The following GPC6 variants were observed in gnomAD, a reference collection of about 807,000 sequenced individuals.
The protein encoded by GPC6 is glypican 6.
In GPC6, 14 loss-of-function variants were observed where a neutral mutation model predicts 55.2. The observed-to-expected ratio is 0.25, with a 90% CI of 0.17 to 0.40. The LOEUF is 0.40. Among genes scored for constraint, GPC6 ranks in the 10% least tolerant of loss-of-function variants. The pLI is 1.00. For missense variants in GPC6, 641 were observed against 708.5 expected, an observed-to-expected ratio of 0.90 and a Z score of 1.08; for synonymous variants, 278 against 259.6, an observed-to-expected ratio of 1.07 and a Z score of -0.68.
Position 93,429,275 on chromosome 13 carries a change from G to GA in GPC6, c.161-115979dup, listed in dbSNP as rs5805804. On this transcript the variant is annotated intron_variant, in intron 1 of 8. Transcript: ENST00000377047. Reference sequence around the variant, plus strand: ...TCTGTTTCTTAGAGCCTCCTCAAAAGAAAAAAAAATCCCTCCTTAATGAGA... The same window carrying GA: ...TCTGTTTCTTAGAGCCTCCTCAAAAGAAAAAAAAAATCCCTCCTTAATGAGA... Among the ~76,000 whole-genome samples the GA allele has an allele frequency of 2.6e-4, 40 of 151,024 alleles. No individual in the cohort carries two copies. The East Asian group carries it at 4.5e-3, about 17-fold the overall frequency.
chr13:93,816,725 A>G (rs565802540), intron 2 of GPC6, among the ~76,000 whole-genome samples: 2 of 152,014 alleles, frequency 1.3e-5, no homozygotes, highest in African/African-American at 2.4e-5. Flanking sequence ...CAATGTACAG[A>G]GGAAAAAAAA....
chr13:93,555,228 T>C (rs1361506104), intron 2 of GPC6, among the ~76,000 whole-genome samples: 1 of 152,200 alleles, frequency 6.6e-6, no homozygotes, highest in Non-Finnish European at 1.5e-5. Flanking sequence ...GAGTTGACAT[T>C]TTATCATTTT....
At chr13:93,928,428 T>G (rs1445283779) in intron 3 of GPC6, among the ~76,000 whole-genome samples, 1 of 152,158 alleles carries the variant, frequency 6.6e-6, no homozygotes, top group African/African-American at 2.4e-5. Flanking sequence ...AGCTATCCTT[T>G]TCAGTTAATG....
intron 1 of GPC6, among the ~76,000 whole-genome samples, chr13:93,301,746 C>A (rs933969863): frequency 6.6e-6 from 1 of 152,132 alleles, no homozygotes; most frequent in African/African-American, 2.4e-5. Context: ...ACTTCTCCAG[C>A]CTACAAATGG....
chr13:94,066,520 A>T (rs936441601), intron 4 of GPC6, among the ~76,000 whole-genome samples: 1 of 152,320 alleles, frequency 6.6e-6, no homozygotes, highest in South Asian at 2.1e-4. Context: ...TTTGTACATC[A>T]ATGTACTTAC....
chr13:93,854,644 G>T (rs780931514), intron 3 of GPC6, among the ~76,000 whole-genome samples: 54 of 151,702 alleles, frequency 3.6e-4, no homozygotes, highest in Middle Eastern at 6.8e-3. Context: ...CTACATACAT[G>T]GAATAACGTT....
At chr13:93,304,680 C>T (rs1878797527) in intron 1 of GPC6, among the ~76,000 whole-genome samples, 1 of 152,186 alleles carries the variant, frequency 6.6e-6, no homozygotes, top group African/African-American at 2.4e-5. Flanking sequence ...GGGACTACTT[C>T]ACTATGGATC....
chr13:93,930,265 G>T, intron 3 of GPC6, among the ~76,000 whole-genome samples: 1 of 97,580 alleles, frequency 1.0e-5, no homozygotes, highest in African/African-American at 4.6e-5. Context: ...AAGGTTATTG[G>T]AAACGAAAGG....
At chr13:93,984,036 T>C (rs934061811) in intron 3 of GPC6, among the ~76,000 whole-genome samples, 1 of 152,140 alleles carries the variant, frequency 6.6e-6, no homozygotes, top group Non-Finnish European at 1.5e-5. Flanking sequence ...TTGAATTTAT[T>C]TATTTATTTA....
chr13:93,871,103 G>C (rs1393814731), intron 3 of GPC6, among the ~76,000 whole-genome samples: 1 of 151,914 alleles, frequency 6.6e-6, no homozygotes, highest in Non-Finnish European at 1.5e-5. Context: ...ATGAGGAAGA[G>C]GCAGGGAATA....
intron 4 of GPC6, among the ~76,000 whole-genome samples, chr13:94,235,771 G>T (rs1890860710): frequency 6.6e-6 from 1 of 152,164 alleles, no homozygotes; most frequent in Non-Finnish European, 1.5e-5. Context: ...ATCCTTGGGA[G>T]AAAGCAGTGA....
intron 4 of GPC6, among the ~76,000 whole-genome samples, chr13:94,190,834 G>T (rs550155584): frequency 6.6e-6 from 1 of 152,162 alleles, no homozygotes; most frequent in East Asian, 1.9e-4. Flanking sequence ...TAGCATATAT[G>T]AATACATTCT....
chr13:93,294,078 A>C (rs749510555), intron 1 of GPC6, among the ~76,000 whole-genome samples: 1 of 152,186 alleles, frequency 6.6e-6, no homozygotes, highest in Admixed American at 6.5e-5. Context: ...TGTGCTCAAT[A>C]AATGGGTATT....
At chr13:93,804,633 C>T (rs75342584) in intron 2 of GPC6, among the ~76,000 whole-genome samples, 2 of 152,042 alleles carry the variant, frequency 1.3e-5, no homozygotes, top group Non-Finnish European at 2.9e-5. Context: ...CTCCTGAGTC[C>T]CTACCCATCA....
intron 2 of GPC6, among the ~76,000 whole-genome samples, chr13:93,735,192 T>G (rs958141806): frequency 3.3e-5 from 5 of 152,304 alleles, no homozygotes; most frequent in African/African-American, 9.6e-5. Flanking sequence ...CAATTAACTA[T>G]TTCGTGCATA....
chr13:94,240,728 A>AG (rs1891032407), intron 4 of GPC6, among the ~76,000 whole-genome samples: 1 of 152,180 alleles, frequency 6.6e-6, no homozygotes, highest in Non-Finnish European at 1.5e-5. Context: ...GAACAGCCTA[A>AG]GAGTGTGGGG....
rs531255383 is a variant in GPC6 at position 93,465,925 on chromosome 13, A to G, written c.161-79338A>G. Among the ~76,000 whole-genome samples, 12 of 152,310 alleles carry G rather than the reference A, an allele frequency of 7.9e-5. No homozygotes were observed. The East Asian group carries it at 2.3e-3, about 29-fold the overall frequency. On this transcript the variant is annotated intron_variant, in intron 1 of 8. Transcript: ENST00000377047. ...TGCCAGATTATCAATTTGCCTAATA[A>G]TATCACTGTGTTTCAGGAAACAGGA...
intron 4 of GPC6, among the ~76,000 whole-genome samples, chr13:94,266,967 C>G (rs543800237): frequency 6.6e-6 from 1 of 152,134 alleles, no homozygotes; most frequent in Non-Finnish European, 1.5e-5. Flanking sequence ...CTGACCCATA[C>G]GTTTTTAGTC....
intron 2 of GPC6, among the ~76,000 whole-genome samples, chr13:93,588,982 G>GAT (rs1182667696): frequency 6.6e-6 from 1 of 152,084 alleles, no homozygotes; most frequent in Non-Finnish European, 1.5e-5. Flanking sequence ...GGGTGTGGTG[G>GAT]ATATACCTCA....
Sources: allele counts gnomAD v4.1 joint callset (sites outside exome capture counted in the v4.1 genomes callset), GRCh38; gene constraint gnomAD v4.1.1; transcripts MANE v1.5; gene names NCBI Gene and HGNC (gene_info 2026-07-23, HGNC 2026-07-21).